Variants in AMOTL1 observed in about 807,000 individuals in gnomAD.
AMOTL1 encodes angiomotin-like protein 1.
Under a neutral mutation model 102.9 loss-of-function variants are expected in AMOTL1, and 45 were observed. That is an observed-to-expected ratio of 0.44 (90% confidence interval 0.34 to 0.56). The LOEUF is 0.56. Among genes scored for constraint, AMOTL1 ranks in the 20% least tolerant of loss-of-function variants. AMOTL1 has a pLI of 0.01. For synonymous variants in AMOTL1, 481 were observed against 484.7 expected (o/e 0.99, Z 0.10); for missense variants, 1,114 against 1,225.6 (o/e 0.91, Z 1.36).
In AMOTL1 at chr11:94,873,586, A is replaced by C. The variant is rs534489711; in HGVS notation, c.*2791A>C. The C allele has an allele frequency of 1.3e-5, 2 of 152,334 alleles. No individual in the cohort carries two copies. Among genetic ancestry groups the C allele is most frequent in the East Asian group, 3.9e-4 (2 of 5,186 alleles). 9.4% of individuals were successfully genotyped at this position (152,334 alleles called of 1,614,324 possible). A position where few individuals can be genotyped will look rare whatever the true frequency, so the allele number is the denominator to read the frequency against. On this transcript the variant is annotated 3_prime_UTR_variant, in exon 13 of 13. Coordinates refer to ENST00000433060, the MANE Select transcript of AMOTL1 (RefSeq NM_130847.3). ...GGGGTGCGTTTATTATTCTGATTTC[A>C]CTGATGAGGAAATGGGCTCAGAAAG... is the stretch of plus-strand genomic sequence containing the variant.
At chr11:94,768,704 G>A in intron 1 of AMOTL1, 144 bp downstream of exon 1, 6 of 1,293,100 alleles carry the variant, frequency 4.6e-6, no homozygotes, top group Non-Finnish European at 6.3e-6. Flanking sequence ...CCAGATTGTT[G>A]TTTTTAAGCG....
At position 94,794,975 on chromosome 11, in the gene AMOTL1, T is replaced by C. The variant is rs1951338812; in HGVS notation, c.50-36T>C. ...CACACAGGAAGGAAGGAGGACTTGA[T>C]GGGCACTCATATTCACTTCGCTTTC... On this transcript the variant is annotated intron_variant, in intron 1 of 12. Coordinates refer to ENST00000433060, the MANE Select transcript of AMOTL1 (RefSeq NM_130847.3). 1.9e-6 allele frequency: 3 copies of C among 1,574,484 alleles called. No homozygotes were observed. In the East Asian group the frequency reaches 6.9e-5, roughly 36 times the overall value.
rs376991560 is a variant in AMOTL1, at chr11:94,779,952, G to T, written c.49+11392G>T. Among the ~76,000 whole-genome samples the T allele has an allele frequency of 2.4e-4, 37 of 152,296 alleles. 1 individual carries two copies. The highest frequency in any genetic ancestry group is 7.9e-4 in the African/African-American group (33 of 41,546). Reference sequence around the variant, plus strand: ...GGCTTTAAATTGCCATGTATGTTATGATCCTGAAGGAATAGACTTTTTCTG... The same window carrying T: ...GGCTTTAAATTGCCATGTATGTTATTATCCTGAAGGAATAGACTTTTTCTG... On this transcript the variant is annotated intron_variant, in intron 1 of 12. Coordinates refer to ENST00000433060, the MANE Select transcript of AMOTL1 (RefSeq NM_130847.3).
At chr11:94,851,443 G>A (rs1952536667) in intron 7 of AMOTL1, among the ~76,000 whole-genome samples, 1 of 152,042 alleles carries the variant, frequency 6.6e-6, no homozygotes, top group African/African-American at 2.4e-5. Flanking sequence ...TCTTTGGTTG[G>A]TTGAATGTAG....
chr11:94,726,439 C>T (rs941357955), intron 1 of AMOTL1, among the ~76,000 whole-genome samples: 1 of 152,154 alleles, frequency 6.6e-6, no homozygotes, highest in African/African-American at 2.4e-5. Flanking sequence ...CCCCAATGTC[C>T]ATCTATGCAG....
In AMOTL1 at chr11:94,821,705, G is replaced by C. The variant is rs1951869773; in HGVS notation, c.1297G>C (p.Asp433His). 2 of 1,614,040 alleles carry C rather than the reference G, an allele frequency of 1.2e-6. No individual in the cohort carries two copies. The highest frequency in any genetic ancestry group is 1.7e-6 in the Non-Finnish European group (2 of 1,179,904). Residue 433 changes from aspartate (D) to histidine (H), a missense_variant, in exon 4 of 13, where the codon GAT (aspartate) becomes CAT (histidine). Transcript: ENST00000433060. ...AASPSQQLGP[D>H]AFAIVERAQQ... Reference sequence around the variant, plus strand: ...CTCCCCCAGCCAGCAGCTTGGTCCAGATGCCTTTGCGATTGTGGAGCGAGC... The same window carrying C: ...CTCCCCCAGCCAGCAGCTTGGTCCACATGCCTTTGCGATTGTGGAGCGAGC...
At chr11:94,787,613 G>A (rs1206040053) in intron 1 of AMOTL1, among the ~76,000 whole-genome samples, 8 of 133,610 alleles carry the variant, frequency 6.0e-5, no homozygotes, top group African/African-American at 2.3e-4. Context: ...GCGTGAACCC[G>A]GGAGGCGGAG....
chr11:94,801,996 A>T (rs1951486767), intron 3 of AMOTL1, among the ~76,000 whole-genome samples: 1 of 152,176 alleles, frequency 6.6e-6, no homozygotes, highest in Admixed American at 6.5e-5. Flanking sequence ...ACATCTTCTG[A>T]AAAAGGAGAG....
chr11:94,750,926 G>C (rs779047244), intron 3 of AMOTL1, among the ~76,000 whole-genome samples: 100 of 152,186 alleles, frequency 6.6e-4, no homozygotes, highest in Non-Finnish European at 7.5e-4. Context: ...TAGTGAAGCA[G>C]ATGAAATTAT....
intron 1 of AMOTL1, among the ~76,000 whole-genome samples, chr11:94,776,728 C>A (rs554371691): frequency 6.6e-6 from 1 of 152,234 alleles, no homozygotes; most frequent in Non-Finnish European, 1.5e-5. Flanking sequence ...AGGTGTGAAG[C>A]AGGCCTTTTC....
chr11:94,714,157 T>C (rs894375649), intron 1 of AMOTL1, among the ~76,000 whole-genome samples: 3 of 152,052 alleles, frequency 2.0e-5, no homozygotes, highest in Non-Finnish European at 4.4e-5. Context: ...TGATTTTTTA[T>C]ATTAGTCTGT....
chr11:94,840,698 A>T (rs1045592190), intron 6 of AMOTL1, among the ~76,000 whole-genome samples: 8 of 147,368 alleles, frequency 5.4e-5, no homozygotes, highest in Non-Finnish European at 8.9e-5. Context: ...ACACACACAC[A>T]CACACACACA....
At position 94,730,907 on chromosome 11, in the gene AMOTL1, T is replaced by C. The variant is rs140469033; in HGVS notation, c.85+1852T>C. On this transcript the variant is annotated intron_variant, in intron 2 of 4. Transcript: ENST00000299004. ...AAAGAAAGTGTGGTTTTCCCACTGA[T>C]GCTTGGTGCTTTTGTAACCTAGGCA... Among the ~76,000 whole-genome samples the C allele has an allele frequency of 1.2e-3, 190 of 152,310 alleles. 1 individual carries two copies. The highest frequency in any genetic ancestry group is 4.3e-3 in the African/African-American group (178 of 41,562).
rs200080861 is a variant in AMOTL1 at position 94,795,168 on chromosome 11, C to T, written c.199+8C>T. The stretch of plus-strand genomic sequence containing the variant: ...GCATCAGGGAAAAAGTTGGTAAGTC[C>T]TTTTACCGGCACTTGTGTTGGAAAA... On this transcript the variant is annotated splice_region_variant and intron_variant, in intron 2 of 12. Coordinates refer to ENST00000433060, the MANE Select transcript of AMOTL1 (RefSeq NM_130847.3). The T allele has an allele frequency of 4.2e-5, 67 of 1,612,782 alleles. No individual in the cohort carries two copies. Among genetic ancestry groups the T allele is most frequent in the Non-Finnish European group, 5.1e-5 (60 of 1,179,592 alleles).
intron 1 of AMOTL1, among the ~76,000 whole-genome samples, chr11:94,789,980 T>A (rs954831478): frequency 2.0e-5 from 3 of 152,202 alleles, no homozygotes; most frequent in Admixed American, 6.5e-5. Context: ...CTGCAGTTAG[T>A]GGTCTCTTTG....
chr11:94,724,116 C>T (rs1384185237), intron 1 of AMOTL1, among the ~76,000 whole-genome samples: 1 of 152,084 alleles, frequency 6.6e-6, no homozygotes, highest in Non-Finnish European at 1.5e-5. Context: ...ATTGTGTGAC[C>T]TCTTCCCTCT....
At chr11:94,768,355 G>A (rs1950884450), upstream of AMOTL1, 6 of 1,383,518 alleles carry the variant, frequency 4.3e-6, no homozygotes, top group Non-Finnish European at 5.6e-6. Flanking sequence ...ACGGCGGCGG[G>A]AGCGCGCGAG....
intron 3 of AMOTL1, among the ~76,000 whole-genome samples, chr11:94,761,193 CTTTTT>C (rs57096553): frequency 1.5e-5 from 2 of 137,000 alleles, no homozygotes; most frequent in Admixed American, 1.5e-4. Flanking sequence ...TTTTTCTTTT[CTTTTT>C]TTTTTTTTTA....
intron 8 of AMOTL1, among the ~76,000 whole-genome samples, chr11:94,857,846 CA>C (rs1952699203): frequency 6.6e-6 from 1 of 152,054 alleles, no homozygotes. Flanking sequence ...CATGCTCAGT[CA>C]ATACTTGTCG....
Sources: allele counts gnomAD v4.1 joint callset (sites outside exome capture counted in the v4.1 genomes callset), GRCh38; gene constraint gnomAD v4.1.1; transcripts MANE v1.5; gene names NCBI Gene and HGNC (gene_info 2026-07-23, HGNC 2026-07-21).